Variants in AUTS2 observed in about 807,000 individuals in gnomAD.
The protein encoded by AUTS2 is autism susceptibility gene 2 protein.
In AUTS2, 17 loss-of-function variants were observed where a neutral mutation model predicts 112.4. The ratio of observed to expected loss-of-function variants is 0.15; its 90% CI spans 0.10 to 0.23. The LOEUF (loss-of-function observed/expected upper bound fraction) is 0.23, where lower values mean the gene tolerates loss of function less well. Among genes scored for constraint, AUTS2 ranks in the 10% least tolerant of loss-of-function variants. The probability of loss-of-function intolerance (pLI) is 1.00; values close to 1 mark genes in which losing one functional copy is unlikely to be tolerated. For missense variants in AUTS2, 1,510 were observed against 1,701.6 expected, an observed-to-expected ratio of 0.89 and a Z score of 1.98; for synonymous variants, 751 against 702.7, an observed-to-expected ratio of 1.07 and a Z score of -1.09.
rs117448125 is a variant in AUTS2, at chr7:70,627,968, G to A, written c.691-70601G>A. 4.4e-3 allele frequency among the ~76,000 whole-genome samples: 672 copies of A among 152,286 alleles called. 2 individuals are homozygous for A. Among genetic ancestry groups the A allele is most frequent in the Non-Finnish European group, 7.1e-3 (485 of 68,030 alleles). The stretch of plus-strand genomic sequence containing the variant: ...AAAACCAAGCCCTGAAAGTTGCATG[G>A]AAGCTTGCCGGGATACTCTTTCCCC... On this transcript the variant is annotated intron_variant, in intron 5 of 18. Transcript: ENST00000342771.
rs142784923 is a variant in AUTS2 at position 69,864,874 on chromosome 7, T to C, written c.310-34412T>C. Among the ~76,000 whole-genome samples, 201 of 152,238 alleles carry C rather than the reference T, an allele frequency of 1.3e-3. 3 individuals are homozygous for C. The East Asian group carries it at 0.025, about 19-fold the overall frequency. ...GGAAAGAGACAAGGCAACTAGTGAA[T>C]TAAAAGTGTAGTGAGAAAGGGAAAA... On this transcript the variant is annotated intron_variant, in intron 1 of 18. Coordinates refer to ENST00000342771, the MANE Select transcript of AUTS2 (RefSeq NM_015570.4).
chr7:70,329,089 A>G (rs181025633), intron 4 of AUTS2, among the ~76,000 whole-genome samples: 24 of 152,276 alleles, frequency 1.6e-4, no homozygotes, highest in Admixed American at 1.6e-3. Flanking sequence ...AGGTTCAGCC[A>G]TGTATGTGTG....
intron 5 of AUTS2, among the ~76,000 whole-genome samples, chr7:70,650,777 C>G (rs1020994549): frequency 6.6e-6 from 1 of 152,204 alleles, no homozygotes; most frequent in African/African-American, 2.4e-5. Context: ...TCATTTTACA[C>G]GCAAAGCAAA....
intron 4 of AUTS2, among the ~76,000 whole-genome samples, chr7:70,404,715 C>T (rs1794461808): frequency 6.6e-6 from 1 of 152,274 alleles, no homozygotes; most frequent in Middle Eastern, 3.4e-3. Flanking sequence ...TTTGGCATAT[C>T]TTGATAGTTG....
At chr7:70,165,850 G>A (rs1808352180) in intron 4 of AUTS2, among the ~76,000 whole-genome samples, 1 of 152,192 alleles carries the variant, frequency 6.6e-6, no homozygotes, top group African/African-American at 2.4e-5. Flanking sequence ...GTTTGACTCT[G>A]TGTCTCCACC....
At chr7:70,341,990 T>C (rs566552486) in intron 4 of AUTS2, among the ~76,000 whole-genome samples, 1 of 152,196 alleles carries the variant, frequency 6.6e-6, no homozygotes, top group East Asian at 1.9e-4. Context: ...CATGGCTGCC[T>C]CTCTGGAGGG....
intron 4 of AUTS2, among the ~76,000 whole-genome samples, chr7:70,410,464 C>T (rs1335349910): frequency 6.6e-6 from 1 of 151,008 alleles, no homozygotes; most frequent in African/African-American, 2.4e-5. Context: ...GTCTCTATCG[C>T]CCAGGCTGGA....
chr7:70,473,527 A>G (rs1186569501), intron 5 of AUTS2, among the ~76,000 whole-genome samples: 2 of 152,156 alleles, frequency 1.3e-5, no homozygotes, highest in Non-Finnish European at 2.9e-5. Flanking sequence ...TTTTGATTTT[A>G]ATGAAATGGC....
intron 2 of AUTS2, among the ~76,000 whole-genome samples, chr7:69,936,916 T>A (rs914769452): frequency 6.6e-6 from 1 of 152,140 alleles, no homozygotes; most frequent in Non-Finnish European, 1.5e-5. Flanking sequence ...CGTTCCTCCC[T>A]CTCTTTTCCC....
chr7:69,987,921 C>T (rs998863139), intron 2 of AUTS2, among the ~76,000 whole-genome samples: 1 of 152,144 alleles, frequency 6.6e-6, no homozygotes, highest in Non-Finnish European at 1.5e-5. Flanking sequence ...AAAGTAGTCA[C>T]TGTTCTTCAA....
At chr7:69,751,785 G>A (rs1299386962) in intron 1 of AUTS2, among the ~76,000 whole-genome samples, 1 of 152,198 alleles carries the variant, frequency 6.6e-6, no homozygotes, top group Non-Finnish European at 1.5e-5. Flanking sequence ...TTCCTGGGTT[G>A]TAATCCTTTC....
chr7:70,262,221 G>C (rs1002111104), intron 4 of AUTS2, among the ~76,000 whole-genome samples: 1 of 151,672 alleles, frequency 6.6e-6, no homozygotes, highest in East Asian at 1.9e-4. Context: ...ATGGAGTCTC[G>C]CTCTGTCACC....
At chr7:69,602,755 A>G (rs1051881653) in intron 1 of AUTS2, among the ~76,000 whole-genome samples, 31 of 152,244 alleles carry the variant, frequency 2.0e-4, no homozygotes, top group African/African-American at 7.0e-4. Context: ...GGGAAGCCGT[A>G]AATACATTTG....
intron 2 of AUTS2, among the ~76,000 whole-genome samples, chr7:70,075,665 A>G (rs1802992194): frequency 6.6e-6 from 1 of 152,206 alleles, no homozygotes; most frequent in South Asian, 2.1e-4. Context: ...TCAATGTACA[A>G]ATAATCAAAA....
chr7:70,703,398 A>T (rs1809563423), intron 6 of AUTS2, among the ~76,000 whole-genome samples: 1 of 139,726 alleles, frequency 7.2e-6, no homozygotes, highest in Non-Finnish European at 1.5e-5. Context: ...TGGGAGGGTG[A>T]GGTGAGAGGA....
chr7:69,984,279 C>T (rs1311528322), intron 2 of AUTS2, among the ~76,000 whole-genome samples: 7 of 151,888 alleles, frequency 4.6e-5, no homozygotes, highest in African/African-American at 7.2e-5. Flanking sequence ...TGGTGGCAGG[C>T]GCCTGTAGTC....
rs533692044 is a variant in AUTS2 at position 70,015,907 on chromosome 7, G to A, written c.523-102225G>A. On this transcript the variant is annotated intron_variant, in intron 2 of 18. Coordinates refer to ENST00000342771, the MANE Select transcript of AUTS2 (RefSeq NM_015570.4). ...TTGTGCCTTGCAGGGCTGCATTTCT[G>A]CTTGCTGTGAATTCTCAGTTCACAG... 6.7e-5 allele frequency among the ~76,000 whole-genome samples: 10 copies of A among 149,480 alleles called. No individual in the cohort carries two copies. In the South Asian group the frequency reaches 2.1e-3, roughly 32 times the overall value.
intron 6 of AUTS2, among the ~76,000 whole-genome samples, chr7:70,753,928 G>A (rs1162703854): frequency 3.9e-5 from 6 of 152,106 alleles, no homozygotes; most frequent in South Asian, 4.1e-4. Context: ...AGGCCGAGGC[G>A]GGTGGATCAC....
intron 4 of AUTS2, among the ~76,000 whole-genome samples, chr7:70,324,324 G>A (rs1364506519): frequency 6.6e-6 from 1 of 152,160 alleles, no homozygotes; most frequent in Non-Finnish European, 1.5e-5. Context: ...ATTAGTATAT[G>A]AGAACAACTA....
Sources: allele counts gnomAD v4.1 joint callset (sites outside exome capture counted in the v4.1 genomes callset), GRCh38; gene constraint gnomAD v4.1.1; transcripts MANE v1.5; gene names NCBI Gene and HGNC (gene_info 2026-07-23, HGNC 2026-07-21).